The following SDK1 variants were observed in gnomAD, a reference collection of about 807,000 sequenced individuals.
SDK1 encodes the protein sidekick cell adhesion molecule 1.
A neutral mutation model predicts 245.5 loss-of-function variants in SDK1; 157 were observed. The observed-to-expected ratio is 0.64, with a 90% confidence interval of 0.56 to 0.73. SDK1 has a LOEUF of 0.73. SDK1 is among the 30% of genes least tolerant of loss of function. The pLI is 0.00. For synonymous variants in SDK1, 1,647 were observed against 1,278.5 expected (o/e 1.29, Z -6.15); for missense variants, 3,583 against 3,002.3 (o/e 1.19, Z -4.52).
chr7:3,318,494 A>G (rs978057568), intron 1 of SDK1, among the ~76,000 whole-genome samples: 6 of 152,146 alleles, frequency 3.9e-5, no homozygotes, highest in African/African-American at 1.2e-4. Context: ...CTATTATTGT[A>G]CTCATTAATT....
chr7:4,165,521 C>T (rs1411923020), intron 32 of SDK1, among the ~76,000 whole-genome samples: 1 of 151,876 alleles, frequency 6.6e-6, no homozygotes, highest in Non-Finnish European at 1.5e-5. Flanking sequence ...AGTAGAACTC[C>T]TTCTGTCTTC....
rs183229028 is a variant in SDK1 at position 3,874,921 on chromosome 7, G to T, written c.847+53338G>T. On this transcript the variant is annotated intron_variant, in intron 5 of 44. Coordinates refer to ENST00000404826, the MANE Select transcript of SDK1 (RefSeq NM_152744.4). ...TCTTCCCCCACATCCAGCACCAAGT[G>T]GGGGAAGCTGTCTTAGGTTTCTCAT... is the stretch of plus-strand genomic sequence containing the variant. 7.9e-5 allele frequency among the ~76,000 whole-genome samples: 12 copies of T among 152,262 alleles called. No individual in the cohort carries two copies. In the East Asian group the frequency reaches 1.7e-3, roughly 22 times the overall value.
intron 1 of SDK1, among the ~76,000 whole-genome samples, chr7:3,606,954 T>G (rs2128640719): frequency 6.6e-6 from 1 of 152,326 alleles, no homozygotes; most frequent in Non-Finnish European, 1.5e-5. Flanking sequence ...CTATGGAATT[T>G]TGCAATCAGG....
At chr7:3,497,923 G>A (rs1316399625) in intron 1 of SDK1, among the ~76,000 whole-genome samples, 1 of 152,170 alleles carries the variant, frequency 6.6e-6, no homozygotes, top group Non-Finnish European at 1.5e-5. Context: ...GTTTCTGGAT[G>A]TGATACTTTT....
At chr7:4,070,389 A>T (rs1780173604) in intron 20 of SDK1, among the ~76,000 whole-genome samples, 2 of 152,290 alleles carry the variant, frequency 1.3e-5, no homozygotes, top group East Asian at 3.9e-4. Context: ...GACTCGTGGC[A>T]TGCTCTGACC....
In SDK1 at chr7:3,435,564, C is replaced by T. The variant is rs573355568; in HGVS notation, c.298+133680C>T. ...TATTTTAGTAGAGACGGGGTTTCAC[C>T]GTGTTGTCCAGGCTGGTTTCGAACT... On this transcript the variant is annotated intron_variant, in intron 1 of 44. Transcript: ENST00000404826. 5.7e-4 allele frequency among the ~76,000 whole-genome samples: 86 copies of T among 151,620 alleles called. 1 individual carries two copies. The highest frequency in any genetic ancestry group is 1.9e-3 in the African/African-American group (78 of 41,304).
Position 3,699,178 on chromosome 7 carries a change from A to G in SDK1, c.713+57073A>G, listed in dbSNP as rs76796640. ...ATAGAAGGCTAAAGTAACATACACA[A>G]TCTCATAACATGATATCCCCTAATG... On this transcript the variant is annotated intron_variant, in intron 4 of 44. Transcript: ENST00000404826. Among the ~76,000 whole-genome samples the G allele has an allele frequency of 3.9e-5, 6 of 152,330 alleles. No homozygotes were observed. In the East Asian group the frequency reaches 9.7e-4, roughly 25 times the overall value.
At chr7:4,145,663 G>C in intron 28 of SDK1, 59 bp from the exon 29 acceptor site, 1 of 1,482,930 alleles carries the variant, frequency 6.7e-7, no homozygotes, top group Non-Finnish European at 9.2e-7. Context: ...TGGGCACAGG[G>C]CTTCCCTGTG....
At chr7:4,170,752 C>T (rs192163378) in intron 32 of SDK1, among the ~76,000 whole-genome samples, 90 of 152,258 alleles carry the variant, frequency 5.9e-4, no homozygotes, top group Admixed American at 3.7e-3. Context: ...CCCATCAACA[C>T]CCCCAGTTTT....
chr7:3,408,430 A>C (rs527836973), intron 1 of SDK1, among the ~76,000 whole-genome samples: 47 of 152,300 alleles, frequency 3.1e-4, no homozygotes, highest in Non-Finnish European at 5.3e-4. Context: ...ATCCTGTTTA[A>C]AATTAGAGCA....
chr7:3,542,242 A>T (rs1779074604), intron 1 of SDK1, among the ~76,000 whole-genome samples: 3 of 152,206 alleles, frequency 2.0e-5, no homozygotes, highest in African/African-American at 7.2e-5. Flanking sequence ...CCTTGAGTAA[A>T]ATCATGACCC....
intron 4 of SDK1, among the ~76,000 whole-genome samples, chr7:3,672,498 G>C (rs1263404407): frequency 6.7e-6 from 1 of 149,906 alleles, no homozygotes; most frequent in Non-Finnish European, 1.5e-5. Context: ...AGAAAGATGA[G>C]CTGGAAACCA....
rs549486843 is a variant in SDK1, at chr7:3,713,945, T to A, written c.713+71840T>A. Among the ~76,000 whole-genome samples, 45 of 152,330 alleles carry A rather than the reference T, an allele frequency of 3.0e-4. 1 individual carries two copies. The highest frequency in any genetic ancestry group is 1.1e-3 in the African/African-American group (45 of 41,576). On this transcript the variant is annotated intron_variant, in intron 4 of 44. Transcript: ENST00000404826. Reference sequence around the variant, plus strand: ...TGAACATTATATTAATTCATGACTTTATTTAAAAGAGAGAGCACCTCAGAC... The same window carrying A: ...TGAACATTATATTAATTCATGACTTAATTTAAAAGAGAGAGCACCTCAGAC...
chr7:4,158,569 C>T lies in SDK1; in HGVS notation c.4729+18C>T, dbSNP rs1463445678. The T allele has an allele frequency of 6.9e-6, 11 of 1,584,472 alleles. No homozygotes were observed. The highest frequency in any genetic ancestry group is 9.5e-6 in the Non-Finnish European group (11 of 1,154,534). On this transcript the variant is annotated intron_variant, in intron 31 of 44. Transcript: ENST00000404826. ...GCAGGATGGTGAGCAACCCGGGGCCCAGACCGCGTTCCTGGCCGCTGCCCC... is the reference window on the plus strand; with the variant it reads ...GCAGGATGGTGAGCAACCCGGGGCCTAGACCGCGTTCCTGGCCGCTGCCCC...
At chr7:3,501,043 T>C (rs1305323980) in intron 1 of SDK1, among the ~76,000 whole-genome samples, 3 of 152,214 alleles carry the variant, frequency 2.0e-5, no homozygotes, top group Admixed American at 1.3e-4. Context: ...GATTTCTAAC[T>C]TCTCTGTTAA....
intron 35 of SDK1, among the ~76,000 whole-genome samples, chr7:4,194,318 ATGTATGCACGTATG>A (rs1783428462): frequency 2.6e-5 from 3 of 117,258 alleles, no homozygotes; most frequent in African/African-American, 4.0e-5. Context: ...GTATACATAT[ATGTATGCACGTATG>A]TGTATACATG....
At chr7:3,917,806 A>G (rs906946739) in intron 5 of SDK1, among the ~76,000 whole-genome samples, 1 of 152,136 alleles carries the variant, frequency 6.6e-6, no homozygotes, top group Non-Finnish European at 1.5e-5. Context: ...ATCTACACAC[A>G]TGCACATGTA....
intron 1 of SDK1, among the ~76,000 whole-genome samples, chr7:3,540,362 G>A (rs1434012608): frequency 1.3e-5 from 2 of 152,216 alleles, no homozygotes; most frequent in Non-Finnish European, 2.9e-5. Flanking sequence ...GGCCGAAATT[G>A]CCCCACTTTA....
chr7:3,632,812 C>A (rs957015895), intron 2 of SDK1, among the ~76,000 whole-genome samples: 1 of 152,152 alleles, frequency 6.6e-6, no homozygotes, highest in African/African-American at 2.4e-5. Context: ...ATATATCTCT[C>A]TCTTAACAAA....
Sources: gnomAD v4.1 joint callset for allele counts (sites outside exome capture counted in the v4.1 genomes callset) on GRCh38, gnomAD v4.1.1 for gene constraint, MANE v1.5 for transcripts, NCBI Gene and HGNC (gene_info 2026-07-23, HGNC 2026-07-21) for gene names.